The following HMCN1 variants were observed in gnomAD, a reference collection of about 807,000 sequenced individuals.
HMCN1 encodes the protein hemicentin-1.
Under a neutral mutation model 625.9 loss-of-function variants are expected in HMCN1, and 321 were observed. The observed-to-expected ratio is 0.51, with a 90% CI of 0.47 to 0.56. The LOEUF (loss-of-function observed/expected upper bound fraction) is 0.56, where lower values mean the gene tolerates loss of function less well. HMCN1 is among the 20% of genes least tolerant of loss of function. HMCN1 has a pLI of 0.00. For missense variants in HMCN1, 6,588 were observed against 6,887.3 expected, an observed-to-expected ratio of 0.96 and a Z score of 1.54; for synonymous variants, 2,425 against 2,417.6, an observed-to-expected ratio of 1.00 and a Z score of -0.09.
intron 1 of HMCN1, among the ~76,000 whole-genome samples, chr1:185,754,715 G>T (rs28507443): frequency 0.03 from 4,615 of 152,110 alleles, 248 homozygotes; most frequent in African/African-American, 0.11. Context: ...AGGCATGATG[G>T]CAGATGCCTG....
Position 186,189,875 on chromosome 1 carries a change from C to T in HMCN1, c.16905C>T (p.Tyr5635=). ...IVYIAVSAYP[Y] Reference sequence around the variant, plus strand: ...ATATAGCTGTGTCCGCCTATCCATACTAAGGAACTCTCCAAAGCCTATTCC... The same window carrying T: ...ATATAGCTGTGTCCGCCTATCCATATTAAGGAACTCTCCAAAGCCTATTCC... Residue 5635 remains tyrosine (Y), a synonymous_variant, in exon 107 of 107, where the codon TAC becomes TAT. Transcript: ENST00000271588. 2.5e-6 allele frequency: 4 copies of T among 1,613,430 alleles called. No homozygotes were observed. In the South Asian group the frequency reaches 3.3e-5, roughly 13 times the overall value.
At chr1:185,834,937 A>G (rs1247231266) in intron 1 of HMCN1, among the ~76,000 whole-genome samples, 1 of 152,178 alleles carries the variant, frequency 6.6e-6, no homozygotes, top group East Asian at 1.9e-4. Context: ...TCTTATATAG[A>G]AAAAATATAA....
intron 1 of HMCN1, among the ~76,000 whole-genome samples, chr1:185,790,051 TCTGTC>T (rs750345596): frequency 5.9e-5 from 9 of 152,190 alleles, no homozygotes; most frequent in Admixed American, 1.3e-4. Context: ...TTGCAAACAG[TCTGTC>T]CTGTCATTTG....
intron 1 of HMCN1, among the ~76,000 whole-genome samples, chr1:185,764,097 A>G (rs1477170654): frequency 6.6e-6 from 1 of 152,180 alleles, no homozygotes; most frequent in Non-Finnish European, 1.5e-5. Flanking sequence ...AGAATAGTTT[A>G]CAACTCTCTT....
At chr1:186,093,390 C>A in intron 65 of HMCN1, 96 bp from the exon 66 acceptor site, 1 of 1,584,668 alleles carries the variant, frequency 6.3e-7, no homozygotes. Flanking sequence ...TTTTGGGCTA[C>A]AATTTTGAAA....
At chr1:185,782,715 G>T (rs1008371151) in intron 1 of HMCN1, among the ~76,000 whole-genome samples, 9 of 152,300 alleles carry the variant, frequency 5.9e-5, no homozygotes, top group African/African-American at 1.7e-4. Context: ...TGAGAGATCC[G>T]CTGTTAGTCT....
chr1:186,000,022 CA>C lies in HMCN1; in HGVS notation c.3875-21del, dbSNP rs1316978621. ...TTTCTGTTTTTGTTGTAAAATATCA[CA>C]AGACTTTAATTTCTTATTTAGGTAC... On this transcript the variant is annotated intron_variant, in intron 25 of 106. Coordinates refer to ENST00000271588, the MANE Select transcript of HMCN1 (RefSeq NM_031935.3). 6.5e-6 allele frequency: 10 copies of C among 1,543,380 alleles called. No homozygotes were observed. The Admixed American group carries it at 8.6e-5, about 13-fold the overall frequency.
chr1:186,164,271 G>A (rs1223566969), intron 97 of HMCN1, among the ~76,000 whole-genome samples: 9 of 135,104 alleles, frequency 6.7e-5, no homozygotes, highest in African/African-American at 9.5e-5. Context: ...ACAGAGTCTC[G>A]CTCTGTCCCC....
intron 30 of HMCN1, among the ~76,000 whole-genome samples, chr1:186,013,393 T>G (rs6658929): frequency 0.39 from 59,789 of 152,098 alleles, 12,746 homozygotes; most frequent in Non-Finnish European, 0.48. Flanking sequence ...CCTCCTGAGA[T>G]AAAAATGATT....
intron 80 of HMCN1, among the ~76,000 whole-genome samples, chr1:186,121,110 G>C (rs1196282772): frequency 6.6e-6 from 1 of 152,200 alleles, no homozygotes; most frequent in East Asian, 1.9e-4. Context: ...AGCATGTACA[G>C]TGACCCCAAG....
chr1:185,987,858 C>CAAA (rs3057352), intron 20 of HMCN1, among the ~76,000 whole-genome samples: 3,829 of 119,464 alleles, frequency 0.032, 170 homozygotes, highest in African/African-American at 0.11. Context: ...AGCCCTGGTC[C>CAAA]AAAAAAAAAA....
chr1:185,838,057 G>C (rs573012967), intron 1 of HMCN1, among the ~76,000 whole-genome samples: 14 of 152,304 alleles, frequency 9.2e-5, no homozygotes, highest in Admixed American at 7.2e-4. Flanking sequence ...TGGGCATCTG[G>C]ATACTTCTTA....
rs1313251608 is a variant in HMCN1 at position 185,909,322 on chromosome 1, C to T, written c.622-15C>T. On this transcript the variant is annotated splice_polypyrimidine_tract_variant and intron_variant, in intron 4 of 106. Transcript: ENST00000271588. ...GTTTTCTGATATCACTTACACTTCTCTTTCTCTCTTATAGGTATTAAAATG... is the reference window on the plus strand; with the variant it reads ...GTTTTCTGATATCACTTACACTTCTTTTTCTCTCTTATAGGTATTAAAATG... 4.4e-6 allele frequency: 7 copies of T among 1,601,128 alleles called. No individual in the cohort carries two copies. Among genetic ancestry groups the T allele is most frequent in the East Asian group, 2.2e-5 (1 of 44,802 alleles).
chr1:185,829,291 TA>T (rs202006189), intron 1 of HMCN1, among the ~76,000 whole-genome samples: 3 of 149,446 alleles, frequency 2.0e-5, no homozygotes, highest in East Asian at 1.9e-4. Flanking sequence ...TTTTTTTTTC[TA>T]AAAAAAATAA....
intron 35 of HMCN1, 101 bp from the exon 36 acceptor site, chr1:186,022,929 G>T: frequency 1.7e-6 from 2 of 1,181,452 alleles, no homozygotes; most frequent in South Asian, 1.2e-5. Context: ...TGAAAATATT[G>T]TTAGATATTA....
Position 186,190,546 on chromosome 1 carries a change from A to G in HMCN1, c.*668A>G. ...GAACCACTTATGATAATAATAATAA[A>G]AAAGACTGCTTTGCCCTCACGTCAG... On this transcript the variant is annotated 3_prime_UTR_variant, in exon 107 of 107. Transcript: ENST00000271588. The G allele has an allele frequency of 9.9e-6, 2 of 202,700 alleles. No homozygotes were observed. Among genetic ancestry groups the G allele is most frequent in the East Asian group, 7.6e-5 (1 of 13,234 alleles). 12.6% of individuals were successfully genotyped at this position (202,700 alleles called of 1,614,324 possible).
At chr1:186,173,047 A>G (rs1652331609) in intron 102 of HMCN1, among the ~76,000 whole-genome samples, 1 of 152,216 alleles carries the variant, frequency 6.6e-6, no homozygotes, top group African/African-American at 2.4e-5. Flanking sequence ...ACTTAAGCAT[A>G]AAGTGTTAAA....
chr1:186,094,575 A>G (rs1467828010), intron 67 of HMCN1, among the ~76,000 whole-genome samples: 1 of 152,150 alleles, frequency 6.6e-6, no homozygotes, highest in Non-Finnish European at 1.5e-5. Flanking sequence ...TTATCAAAAT[A>G]CTGATCTAGA....
chr1:185,837,156 T>C (rs1661220728), intron 1 of HMCN1, among the ~76,000 whole-genome samples: 1 of 151,850 alleles, frequency 6.6e-6, no homozygotes, highest in Non-Finnish European at 1.5e-5. Context: ...GATGAACATA[T>C]ATGTATCACA....
Sources: allele counts gnomAD v4.1 joint callset (sites outside exome capture counted in the v4.1 genomes callset), GRCh38; gene constraint gnomAD v4.1.1; transcripts MANE v1.5; gene names NCBI Gene and HGNC (gene_info 2026-07-23, HGNC 2026-07-21).